Variants in ZNF620 observed in about 807,000 individuals in gnomAD.
ZNF620 encodes the protein zinc finger protein 620.
ZNF620 carries 10 observed loss-of-function variants against 13.3 expected under a neutral mutation model. The observed-to-expected ratio is 0.75, with a 90% CI of 0.46 to 1.28. The LOEUF (loss-of-function observed/expected upper bound fraction) is 1.28. ZNF620 is among the 50% of genes most tolerant of loss of function. ZNF620 has a pLI of 0.00. For missense variants in ZNF620, 461 were observed against 500.2 expected (o/e 0.92, Z 0.75); for synonymous variants, 166 against 177.6 (o/e 0.93, Z 0.52).
intron 1 of ZNF620, 56 bp downstream of exon 1, chr3:40,506,194 T>C (rs1373947626): frequency 2.2e-6 from 2 of 906,122 alleles, no homozygotes; most frequent in Non-Finnish European, 3.5e-6. Flanking sequence ...CCCCTTTGCT[T>C]TTTGGGGTGA....
intron 4 of ZNF620, 46 bp from the exon 5 acceptor site, chr3:40,515,813 TG>T: frequency 6.3e-6 from 9 of 1,430,326 alleles, no homozygotes; most frequent in Non-Finnish European, 8.5e-6. Flanking sequence ...TGTGTGTGTG[TG>T]TGTGTGATAT....
In ZNF620 at chr3:40,516,611, A is replaced by G. The variant is rs147983560; in HGVS notation, c.1017A>G (p.Lys339=). 11 of 1,614,136 alleles carry G rather than the reference A, an allele frequency of 6.8e-6. No homozygotes were observed. The highest frequency in any genetic ancestry group is 1.6e-4 in the Middle Eastern group (1 of 6,062). ...MHTGEKPYEC[K]ECGKRLSSNT... is the part of the protein sequence containing the mutation. ...CTGGGGAGAAACCTTATGAATGTAA[A>G]GAGTGTGGAAAACGATTAAGCTCCA... Residue 339 remains lysine, a synonymous_variant, in exon 5 of 5, where the codon AAA becomes AAG. Coordinates refer to ENST00000314529, the MANE Select transcript of ZNF620 (RefSeq NM_175888.4).
At chr3:40,512,262 T>C (rs1444797934) in intron 3 of ZNF620, 140 bp from the exon 4 acceptor site, 12 of 729,798 alleles carry the variant, frequency 1.6e-5, no homozygotes, top group Admixed American at 1.0e-4. Flanking sequence ...ATTTCTGTCC[T>C]CCAGCAGCAT....
At chr3:40,511,339 G>C (rs917038287) in intron 2 of ZNF620, 131 bp from the exon 3 acceptor site, 8 of 1,290,994 alleles carry the variant, frequency 6.2e-6, no homozygotes, top group Non-Finnish European at 8.6e-6. Context: ...AGATGGCTGA[G>C]GGCTGGCCTC....
intron 2 of ZNF620, among the ~76,000 whole-genome samples, chr3:40,506,776 T>A (rs1698037028): frequency 6.6e-6 from 1 of 152,214 alleles, no homozygotes. Flanking sequence ...TACTCCTTTC[T>A]TTCCAGTCTG....
intron 2 of ZNF620, among the ~76,000 whole-genome samples, chr3:40,510,964 G>T (rs548641174): frequency 1.3e-5 from 2 of 152,056 alleles, no homozygotes; most frequent in Non-Finnish European, 2.9e-5. Flanking sequence ...TGGCAACATC[G>T]CCAGGCTGGT....
intron 4 of ZNF620, 40 bp from the exon 5 acceptor site, chr3:40,515,820 G>GTGGT: frequency 8.1e-7 from 1 of 1,233,302 alleles, no homozygotes; most frequent in Non-Finnish European, 1.1e-6. Flanking sequence ...GTGTGTGTGT[G>GTGGT]ATATCAGGGA....
At chr3:40,515,783 TGTG>T in intron 4 of ZNF620, 74 bp from the exon 5 acceptor site, 1 of 217,934 alleles carries the variant, frequency 4.6e-6, no homozygotes, top group Non-Finnish European at 5.9e-6. Context: ...ACAGATATTG[TGTG>T]TGTGTGTGTG....
At chr3:40,508,871 A>T (rs1698113371) in intron 2 of ZNF620, 1 of 443,078 alleles carries the variant, frequency 2.3e-6, no homozygotes, top group African/African-American at 2.0e-5. Context: ...TCCCGCCTCC[A>T]CCTCCCAAAG....
intron 2 of ZNF620, among the ~76,000 whole-genome samples, chr3:40,506,905 C>G (rs1259397558): frequency 6.6e-6 from 1 of 152,110 alleles, no homozygotes; most frequent in Non-Finnish European, 1.5e-5. Context: ...AAAGTGAAAG[C>G]ATTCAATCTT....
Position 40,518,451 on chromosome 3 carries a change from C to G in ZNF620, c.*1588C>G, listed in dbSNP as rs1698445912. The G allele has an allele frequency of 6.6e-6, 1 of 152,180 alleles. No individual in the cohort carries two copies. The highest frequency in any genetic ancestry group is 1.5e-5 in the Non-Finnish European group (1 of 68,050). 9.4% of individuals were successfully genotyped at this position (152,180 alleles called of 1,614,324 possible). ...TAATAAAAGTATTACCTATTATTGGCCGGGCACAGTGGCTCATGCCTGTAA... is the reference window on the plus strand; with the variant it reads ...TAATAAAAGTATTACCTATTATTGGGCGGGCACAGTGGCTCATGCCTGTAA... On this transcript the variant is annotated 3_prime_UTR_variant, in exon 5 of 5. Transcript: ENST00000314529.
In ZNF620 at chr3:40,512,493, G is replaced by C. The variant is rs149762150; in HGVS notation, c.243G>C (p.Glu81Asp). The C allele has an allele frequency of 1.2e-4, 196 of 1,613,478 alleles. No individual in the cohort carries two copies. The African/African-American group carries it at 2.1e-3, about 18-fold the overall frequency. ...GLDPWEPMGR[E>D]ALRGICPGDE... ...ATCCCTGGGAACCTATGGGCAGGGA[G>C]GCTCTCAGAGGTATCTGTCCAGGTG... is the stretch of plus-strand genomic sequence containing the variant. The change falls in exon 4 of 5, where the codon GAG becomes GAC. Residue 81 changes from glutamate to aspartate, a missense_variant. Physicochemically the swap from Glu to Asp is conservative, Grantham distance 45 (BLOSUM62 2). Coordinates refer to ENST00000314529, the MANE Select transcript of ZNF620 (RefSeq NM_175888.4).
chr3:40,507,096 T>TG (rs1174858236), intron 2 of ZNF620, among the ~76,000 whole-genome samples: 15 of 145,594 alleles, frequency 1.0e-4, no homozygotes, highest in African/African-American at 3.8e-4. Flanking sequence ...ATGGTTTTTT[T>TG]TTTTTTTTTT....
In ZNF620 at chr3:40,516,304, CATTACTT is replaced by C; in HGVS notation, c.714_720del (p.Leu238PhefsTer5). On this transcript the variant is annotated frameshift_variant, in exon 5 of 5. Coordinates refer to ENST00000314529, the MANE Select transcript of ZNF620 (RefSeq NM_175888.4). LOFTEE classifies it low-confidence loss of function (END_TRUNC). ...TGTGGAAAATACTTCAGATATAACT[CATTACTT>C]ATTCGGCATCAGATAATTCACACTG... 1 of 1,614,150 alleles carries C rather than the reference CATTACTT, an allele frequency of 6.2e-7. No homozygotes were observed. The highest frequency in any genetic ancestry group is 8.5e-7 in the Non-Finnish European group (1 of 1,180,030).
intron 3 of ZNF620, among the ~76,000 whole-genome samples, chr3:40,511,846 T>C (rs1462509513): frequency 6.6e-6 from 1 of 151,946 alleles, no homozygotes; most frequent in Non-Finnish European, 1.5e-5. Flanking sequence ...CACACCCGGC[T>C]AATTATTGTA....
chr3:40,511,530 G>T lies in ZNF620; in HGVS notation c.85G>T (p.Asp29Tyr). Residue 29 changes from aspartate to tyrosine, a missense_variant, in exon 3 of 5, where the codon GAC becomes TAC. By Grantham distance (160) the Asp-to-Tyr change is radical. Coordinates refer to ENST00000314529, the MANE Select transcript of ZNF620 (RefSeq NM_175888.4). ...YFTQNEWASL[D>Y]SVQRALYREV... is the part of the protein sequence containing the mutation. Reference sequence around the variant, plus strand: ...CACCCAGAATGAATGGGCCAGCCTGGACTCTGTGCAGAGGGCCCTGTACAG... The same window carrying T: ...CACCCAGAATGAATGGGCCAGCCTGTACTCTGTGCAGAGGGCCCTGTACAG... 2 of 1,613,928 alleles carry T rather than the reference G, an allele frequency of 1.2e-6. No individual in the cohort carries two copies. The highest frequency in any genetic ancestry group is 1.7e-6 in the Non-Finnish European group (2 of 1,179,898).
At position 40,516,433 on chromosome 3, in the gene ZNF620, A is replaced by G. The variant is rs773167989; in HGVS notation, c.839A>G (p.Tyr280Cys). ...AGAATCCACACTGGAGAAAAGCCCT[A>G]TGAATGTAAGGAGTGCGGCAAGGCC... ...HQRIHTGEKP[Y>C]ECKECGKAFS... The change falls in exon 5 of 5, where the codon TAT becomes TGT. Residue 280 changes from tyrosine to cysteine, a missense_variant. Coordinates refer to ENST00000314529, the MANE Select transcript of ZNF620 (RefSeq NM_175888.4). 5.0e-6 allele frequency: 8 copies of G among 1,614,086 alleles called. No individual in the cohort carries two copies. The highest frequency in any genetic ancestry group is 1.7e-5 in the Admixed American group (1 of 60,000).
At chr3:40,512,373 C>T (rs753475981) in intron 3 of ZNF620, 29 bp from the exon 4 acceptor site, 1 of 1,598,558 alleles carries the variant, frequency 6.3e-7, no homozygotes, top group South Asian at 1.1e-5. Context: ...ATTCCCCTTA[C>T]CTTTTCCTGT....
chr3:40,513,294 G>A (rs111566813), intron 4 of ZNF620, among the ~76,000 whole-genome samples: 6,841 of 109,226 alleles, frequency 0.063, 672 homozygotes, highest in African/African-American at 0.22. Context: ...ACGAAACCCC[G>A]TCTCAACTAA....
Sources: gnomAD v4.1 joint callset for allele counts (sites outside exome capture counted in the v4.1 genomes callset) on GRCh38, gnomAD v4.1.1 for gene constraint, MANE v1.5 for transcripts, NCBI Gene and HGNC (gene_info 2026-07-23, HGNC 2026-07-21) for gene names.